PALM2AKAP2: variants seen among roughly 807,000 people sequenced by gnomAD.
PALM2AKAP2 encodes the protein PALM2-AKAP2 fusion protein.
A neutral mutation model predicts 71.5 loss-of-function variants in PALM2AKAP2; 37 were observed. The ratio of observed to expected loss-of-function variants is 0.52; its 90% CI spans 0.40 to 0.68. PALM2AKAP2 has a LOEUF of 0.68. PALM2AKAP2 is among the 30% of genes least tolerant of loss of function. The probability of loss-of-function intolerance (pLI) is 0.00; values close to 1 mark genes in which losing one functional copy is unlikely to be tolerated. For missense variants in PALM2AKAP2, 1,224 were observed against 1,191.8 expected (o/e 1.03, Z -0.40); for synonymous variants, 468 against 478.8 (o/e 0.98, Z 0.29).
chr9:109,995,841 T>C (rs1832566912), intron 6 of PALM2AKAP2, among the ~76,000 whole-genome samples: 1 of 152,194 alleles, frequency 6.6e-6, no homozygotes, highest in East Asian at 1.9e-4. Flanking sequence ...GGTCATGGAA[T>C]GGAAGACAGA....
intron 6 of PALM2AKAP2, among the ~76,000 whole-genome samples, chr9:109,989,202 T>C (rs10217743): frequency 0.63 from 96,008 of 151,994 alleles, 31,790 homozygotes; most frequent in East Asian, 0.81. Flanking sequence ...GACACCCCAT[T>C]TAACAAACTG....
At chr9:109,831,802 C>T (rs771863139) in intron 1 of PALM2AKAP2, among the ~76,000 whole-genome samples, 5 of 152,166 alleles carry the variant, frequency 3.3e-5, no homozygotes, top group Non-Finnish European at 5.9e-5. Context: ...GGAACTCTAT[C>T]TTTCTGATTG....
chr9:109,922,187 A>T (rs1349505292), intron 3 of PALM2AKAP2, among the ~76,000 whole-genome samples: 1 of 151,990 alleles, frequency 6.6e-6, no homozygotes, highest in Non-Finnish European at 1.5e-5. Context: ...TGGGAGCCTG[A>T]GGCAGGAGGA....
intron 1 of PALM2AKAP2, among the ~76,000 whole-genome samples, chr9:109,860,729 T>C (rs1334103038): frequency 1.3e-5 from 2 of 152,126 alleles, no homozygotes; most frequent in African/African-American, 2.4e-5. Context: ...CGATCATTTT[T>C]CCCCCTAAAT....
At chr9:109,682,293 A>G (rs1197533888) in intron 1 of PALM2AKAP2, among the ~76,000 whole-genome samples, 1 of 152,204 alleles carries the variant, frequency 6.6e-6, no homozygotes, top group Non-Finnish European at 1.5e-5. Context: ...TTCTCAGAAT[A>G]TATTCTGTTT....
At chr9:109,720,313 TA>T (rs200502381) in intron 1 of PALM2AKAP2, among the ~76,000 whole-genome samples, 6,747 of 150,462 alleles carry the variant, frequency 0.045, 189 homozygotes, top group Non-Finnish European at 0.054. Flanking sequence ...TTAGTTCTTG[TA>T]AAAAAAAAAT....
chr9:110,011,011 A>AC (rs59501879), intron 6 of PALM2AKAP2, among the ~76,000 whole-genome samples: 14 of 113,654 alleles, frequency 1.2e-4, no homozygotes, highest in Non-Finnish European at 1.4e-4. Context: ...AAAAAAAAAA[A>AC]AAAATATATA....
chr9:109,790,723 T>C (rs1887521), intron 1 of PALM2AKAP2, among the ~76,000 whole-genome samples: 43,603 of 152,112 alleles, frequency 0.29, 7,161 homozygotes, highest in African/African-American at 0.45. Flanking sequence ...GTTTTTGTGG[T>C]GTGACTTGAC....
At chr9:109,764,939 T>C (rs1278364869) in intron 1 of PALM2AKAP2, among the ~76,000 whole-genome samples, 2 of 152,228 alleles carry the variant, frequency 1.3e-5, no homozygotes, top group East Asian at 3.8e-4. Context: ...GAGGAAGGAA[T>C]GTGGATACTC....
chr9:110,136,899 A>C (rs1835890760), exon 2 of PALM2AKAP2: 1 of 1,614,082 alleles, frequency 6.2e-7, no homozygotes, highest in African/African-American at 1.3e-5. Context: ...CTGGAAAAGG[A>C]GAGGAGAGAG....
intron 3 of PALM2AKAP2, among the ~76,000 whole-genome samples, chr9:110,163,383 A>G (rs1836652091): frequency 6.6e-6 from 1 of 152,102 alleles, no homozygotes; most frequent in Admixed American, 6.6e-5. Context: ...AAACCCACCT[A>G]CCCAGCTTTG....
At chr9:110,043,725 T>TTG (rs939825566), upstream of PALM2AKAP2, among the ~76,000 whole-genome samples, 1 of 139,386 alleles carries the variant, frequency 7.2e-6, no homozygotes, top group Admixed American at 7.2e-5. Flanking sequence ...TGTTTTTTTT[T>TTG]TTTTTTTTTT....
chr9:109,746,278 A>C (rs1230978802), intron 1 of PALM2AKAP2, among the ~76,000 whole-genome samples: 1 of 152,178 alleles, frequency 6.6e-6, no homozygotes, highest in Non-Finnish European at 1.5e-5. Context: ...TCTGATAATG[A>C]ATTTGGGAAT....
intron 6 of PALM2AKAP2, among the ~76,000 whole-genome samples, chr9:110,005,753 C>T (rs886495091): frequency 5.3e-5 from 8 of 152,202 alleles, no homozygotes; most frequent in Non-Finnish European, 8.8e-5. Flanking sequence ...GCCTCGCTGC[C>T]GCCTTGCAGT....
intron 1 of PALM2AKAP2, among the ~76,000 whole-genome samples, chr9:110,067,859 T>C (rs766211999): frequency 2.6e-5 from 4 of 152,230 alleles, no homozygotes; most frequent in African/African-American, 4.8e-5. Flanking sequence ...GTAGTTGTGC[T>C]GCCTTAAAAT....
At chr9:109,674,995 A>T (rs1827628817) in intron 1 of PALM2AKAP2, among the ~76,000 whole-genome samples, 1 of 152,060 alleles carries the variant, frequency 6.6e-6, no homozygotes. Flanking sequence ...AAATTACATG[A>T]GATACTCAAC....
intron 1 of PALM2AKAP2, among the ~76,000 whole-genome samples, chr9:109,747,264 T>C (rs1294025099): frequency 6.6e-6 from 1 of 152,188 alleles, no homozygotes; most frequent in South Asian, 2.1e-4. Context: ...TATGTCAGGC[T>C]AGCCCCCAGG....
chr9:110,125,461 G>T (rs1835579843), intron 1 of PALM2AKAP2: 10 of 973,748 alleles, frequency 1.0e-5, no homozygotes, highest in Non-Finnish European at 1.2e-5. Context: ...CAGAGGGAGG[G>T]CCCACGGTGA....
chr9:110,038,352 A>G (rs1451552395), intron 7 of PALM2AKAP2, among the ~76,000 whole-genome samples: 2 of 151,708 alleles, frequency 1.3e-5, no homozygotes, highest in Non-Finnish European at 2.9e-5. Flanking sequence ...AAACAAACAA[A>G]CAAACAAAAA....
Sources: allele counts gnomAD v4.1 joint callset (sites outside exome capture counted in the v4.1 genomes callset), GRCh38; gene constraint gnomAD v4.1.1; transcripts MANE v1.5; gene names NCBI Gene and HGNC (gene_info 2026-07-23, HGNC 2026-07-21).